The following GOT2 variants were observed in gnomAD, a reference collection of about 807,000 sequenced individuals.
GOT2 encodes glutamic-oxaloacetic transaminase 2, also known as aspartate aminotransferase, mitochondrial.
A neutral mutation model predicts 50.0 loss-of-function variants in GOT2; 17 were observed. The ratio of observed to expected loss-of-function variants is 0.34; its 90% CI spans 0.23 to 0.51. The LOEUF is 0.51. GOT2 is among the 20% of genes least tolerant of loss of function. GOT2 has a pLI of 0.97. For synonymous variants in GOT2, 172 were observed against 204.9 expected (o/e 0.84, Z 1.37); for missense variants, 430 against 559.6 (o/e 0.77, Z 2.34).
chr16:58,715,862 A>T, intron 8 of GOT2, 152 bp downstream of exon 8: 1 of 612,574 alleles, frequency 1.6e-6, no homozygotes, highest in Non-Finnish European at 2.7e-6. Flanking sequence ...TTAATTTTTT[A>T]AAAAAGGAAT....
chr16:58,728,926 A>C (rs1485669098), intron 1 of GOT2, among the ~76,000 whole-genome samples: 1 of 152,172 alleles, frequency 6.6e-6, no homozygotes, highest in Non-Finnish European at 1.5e-5. Context: ...ACCTCAAGTG[A>C]TCTGCCCGCC....
intron 9 of GOT2, 57 bp downstream of exon 9, chr16:58,709,360 T>C: frequency 7.5e-7 from 1 of 1,340,110 alleles, no homozygotes; most frequent in Non-Finnish European, 1.0e-6. Flanking sequence ...AAAGTAATCC[T>C]TCGGGTTTGC....
At position 58,723,810 on chromosome 16, in the gene GOT2, T is replaced by C. The variant is rs199949591; in HGVS notation, c.182A>G (p.Asn61Ser). 2.3e-5 allele frequency: 37 copies of C among 1,612,688 alleles called. No homozygotes were observed. The African/African-American group carries it at 2.4e-4, about 10-fold the overall frequency. Reference sequence around the variant, plus strand: ...ATCCCGGTAGGCACCAACTCCCAGATTCATCTTTTTGCTATTGGTGTCCCT... The same window carrying C: ...ATCCCGGTAGGCACCAACTCCCAGACTCATCTTTTTGCTATTGGTGTCCCT... The part of the protein sequence containing the change: ...FKRDTNSKKM[N>S]LGVGAYRDDN... Residue 61 changes from asparagine (N) to serine (S), a missense_variant, in exon 2 of 10, where the codon AAT (asparagine) becomes AGT (serine). Asn to Ser is a conservative substitution (Grantham distance 46, BLOSUM62 1). Coordinates refer to ENST00000245206, the MANE Select transcript of GOT2 (RefSeq NM_002080.4).
chr16:58,721,077 G>C (rs1378980366), intron 3 of GOT2, among the ~76,000 whole-genome samples: 2 of 152,128 alleles, frequency 1.3e-5, no homozygotes, highest in Non-Finnish European at 2.9e-5. Flanking sequence ...ATTTGACGTA[G>C]GATAATTACT....
At chr16:58,711,100 C>A (rs899881248) in intron 8 of GOT2, among the ~76,000 whole-genome samples, 38 of 151,084 alleles carry the variant, frequency 2.5e-4, no homozygotes, top group African/African-American at 8.3e-4. Context: ...ACATTCCCAT[C>A]TTCACAATTG....
intron 1 of GOT2, among the ~76,000 whole-genome samples, chr16:58,725,274 C>T (rs1205251395): frequency 6.6e-6 from 1 of 151,872 alleles, no homozygotes; most frequent in Non-Finnish European, 1.5e-5. Flanking sequence ...GCCACTACAC[C>T]CAGCTAATTT....
rs529136910 is a variant in GOT2 at position 58,725,555 on chromosome 16, T to G, written c.90-1653A>C. Reference sequence around the variant, plus strand: ...CAGACACATTGATTACCAAGCATAATTTAAAATTTATATACCTTTGTTTAT... The same window carrying G: ...CAGACACATTGATTACCAAGCATAAGTTAAAATTTATATACCTTTGTTTAT... On this transcript the variant is annotated intron_variant, in intron 1 of 9. Coordinates refer to ENST00000245206, the MANE Select transcript of GOT2 (RefSeq NM_002080.4). 2.6e-5 allele frequency among the ~76,000 whole-genome samples: 4 copies of G among 152,358 alleles called. No homozygotes were observed. The South Asian group carries it at 8.3e-4, about 32-fold the overall frequency.
Position 58,734,274 on chromosome 16 carries a change from G to T in GOT2, c.-46C>A, listed in dbSNP as rs759495822. The T allele has an allele frequency of 2.8e-6, 3 of 1,075,584 alleles. No individual in the cohort carries two copies. The highest frequency in any genetic ancestry group is 3.2e-5 in the African/African-American group (2 of 62,008). 66.6% of individuals were successfully genotyped at this position (1,075,584 alleles called of 1,614,324 possible). On this transcript the variant is annotated 5_prime_UTR_variant, in exon 1 of 10. Transcript: ENST00000245206. ...TGGGCAGCCGCAGGACGGAGCAGAG[G>T]GCGAGCGGACACACACACAGGGAAC... is the stretch of plus-strand genomic sequence containing the variant.
At chr16:58,709,650 G>C in intron 8 of GOT2, 83 bp from the exon 9 acceptor site, 1 of 1,217,636 alleles carries the variant, frequency 8.2e-7, no homozygotes, top group Non-Finnish European at 1.2e-6. Flanking sequence ...TACCTCCCTT[G>C]AGCAGTCCCC....
intron 3 of GOT2, among the ~76,000 whole-genome samples, chr16:58,719,815 C>G (rs1326851676): frequency 6.6e-6 from 1 of 152,082 alleles, no homozygotes; most frequent in Admixed American, 6.6e-5. Flanking sequence ...TAAAACATTA[C>G]TTTAGAATTA....
intron 1 of GOT2, among the ~76,000 whole-genome samples, chr16:58,726,241 A>G (rs1345290119): frequency 2.0e-5 from 3 of 152,158 alleles, no homozygotes; most frequent in Admixed American, 2.0e-4. Flanking sequence ...GCTGGAATGC[A>G]ATGGTGCGAT....
intron 1 of GOT2, 97 bp from the exon 2 acceptor site, chr16:58,723,999 G>T: frequency 8.9e-7 from 1 of 1,118,314 alleles, no homozygotes; most frequent in Non-Finnish European, 1.3e-6. Context: ...TGTTGCCCAG[G>T]CTGGAGTGCA....
Position 58,716,025 on chromosome 16 carries a change from C to T in GOT2, c.1008G>A (p.Leu336=), listed in dbSNP as rs2044689000. 6.2e-7 allele frequency: 1 copy of T among 1,609,400 alleles called. No individual in the cohort carries two copies. Among genetic ancestry groups the T allele is most frequent in the Non-Finnish European group, 8.5e-7 (1 of 1,178,756 alleles). Residue 336 remains leucine, a synonymous_variant, in exon 8 of 10, where the codon TTG becomes TTA. Transcript: ENST00000245206. ...GCATAAACCTTTACCATTGTTTTCG[C>T]AAATCTGGGGTGTTCAGAATGGCAG... The part of the protein sequence containing the change: ...IAAAILNTPD[L]RKQWLQEVKV...
chr16:58,710,259 C>A (rs2044635370), intron 8 of GOT2, among the ~76,000 whole-genome samples: 1 of 151,940 alleles, frequency 6.6e-6, no homozygotes, highest in African/African-American at 2.4e-5. Flanking sequence ...AGTCTATCAC[C>A]CAGGCTGGAT....
chr16:58,726,208 G>A (rs1015785212), intron 1 of GOT2, among the ~76,000 whole-genome samples: 4 of 152,042 alleles, frequency 2.6e-5, no homozygotes, highest in African/African-American at 7.2e-5. Context: ...TTTTTGAGAC[G>A]GAGTCTTGTT....
intron 2 of GOT2, among the ~76,000 whole-genome samples, 170 bp downstream of exon 2, chr16:58,723,576 C>A (rs1411606100): frequency 6.6e-6 from 1 of 152,106 alleles, no homozygotes; most frequent in Non-Finnish European, 1.5e-5. Flanking sequence ...CAACCTCTCA[C>A]CTTTACAGTC....
chr16:58,728,868 G>A (rs1227503389), intron 1 of GOT2, among the ~76,000 whole-genome samples: 3 of 151,980 alleles, frequency 2.0e-5, no homozygotes, highest in African/African-American at 7.2e-5. Flanking sequence ...TTTATTTTTA[G>A]TAGAGATGGG....
Position 58,712,889 on chromosome 16 carries a change from C to T in GOT2, c.1019+3125G>A, listed in dbSNP as rs558660634. Reference sequence around the variant, plus strand: ...CTTTGGGAGGCCGAAGTGCTAAGGTCGGGAGTTCGAGACCAGCCTGACCAA... The same window carrying T: ...CTTTGGGAGGCCGAAGTGCTAAGGTTGGGAGTTCGAGACCAGCCTGACCAA... On this transcript the variant is annotated intron_variant, in intron 8 of 9. Coordinates refer to ENST00000245206, the MANE Select transcript of GOT2 (RefSeq NM_002080.4). Among the ~76,000 whole-genome samples the T allele has an allele frequency of 1.7e-3, 256 of 152,230 alleles. 1 individual carries two copies. The highest frequency in any genetic ancestry group is 1.9e-3 in the Non-Finnish European group (129 of 68,018).
At chr16:58,732,233 A>G (rs1432218138) in intron 1 of GOT2, among the ~76,000 whole-genome samples, 1 of 152,154 alleles carries the variant, frequency 6.6e-6, no homozygotes, top group East Asian at 1.9e-4. Flanking sequence ...TGAGCCTGGA[A>G]GGTCAGGCTG....
Sources: allele counts gnomAD v4.1 joint callset (sites outside exome capture counted in the v4.1 genomes callset), GRCh38; gene constraint gnomAD v4.1.1; transcripts MANE v1.5; gene names NCBI Gene and HGNC (gene_info 2026-07-23, HGNC 2026-07-21).